RAPGEF6: variants seen among roughly 807,000 people sequenced by gnomAD.
RAPGEF6 encodes Rap guanine nucleotide exchange factor 6.
Under a neutral mutation model 171.4 loss-of-function variants are expected in RAPGEF6, and 56 were observed. The observed-to-expected ratio is 0.33, with a 90% confidence interval of 0.26 to 0.41. RAPGEF6 has a LOEUF of 0.41. RAPGEF6 is among the 10% of genes least tolerant of loss of function. RAPGEF6 has a pLI of 1.00. For synonymous variants in RAPGEF6, 692 were observed against 650.1 expected (o/e 1.06, Z -0.98); for missense variants, 1,674 against 1,921.4 (o/e 0.87, Z 2.41).
At chr5:131,615,970 C>A (rs966853978) in intron 1 of RAPGEF6, among the ~76,000 whole-genome samples, 1 of 152,042 alleles carries the variant, frequency 6.6e-6, no homozygotes, top group Non-Finnish European at 1.5e-5. Context: ...TCCTGACATC[C>A]CAGATCAGTA....
At chr5:131,491,308 C>T (rs187577770) in intron 14 of RAPGEF6, among the ~76,000 whole-genome samples, 1 of 152,218 alleles carries the variant, frequency 6.6e-6, no homozygotes, top group East Asian at 1.9e-4. Flanking sequence ...CAGACATTGC[C>T]ACTAGTTGAG....
intron 6 of RAPGEF6, among the ~76,000 whole-genome samples, chr5:131,525,198 G>C (rs1366771592): frequency 6.6e-6 from 1 of 152,040 alleles, no homozygotes; most frequent in East Asian, 1.9e-4. Flanking sequence ...TATAGACATA[G>C]AATAATGGAA....
At chr5:131,500,801 T>C (rs781669153) in intron 11 of RAPGEF6, among the ~76,000 whole-genome samples, 4 of 152,146 alleles carry the variant, frequency 2.6e-5, no homozygotes, top group East Asian at 3.9e-4. Context: ...AGTTCACTGA[T>C]AGCAGAATCT....
At position 131,521,410 on chromosome 5, in the gene RAPGEF6, T is replaced by C; in HGVS notation, c.607A>G (p.Ser203Gly). ...CSIASDSGSSSLSDIYQATES... is the reference protein window; with the variant it reads ...CSIASDSGSSGLSDIYQATES... ...ATTACCTGATAGATATCAGATAAAC[T>C]GCTGCTTCCAGAGTCACTGGCAATG... Residue 203 changes from serine (S) to glycine (G), a missense_variant, in exon 7 of 28, where the codon AGT (serine) becomes GGT (glycine). Coordinates refer to ENST00000509018, the MANE Select transcript of RAPGEF6 (RefSeq NM_016340.6). 3 of 1,610,150 alleles carry C rather than the reference T, an allele frequency of 1.9e-6. No homozygotes were observed. Among genetic ancestry groups the C allele is most frequent in the Non-Finnish European group, 2.5e-6 (3 of 1,178,086 alleles).
intron 25 of RAPGEF6, 134 bp downstream of exon 25, chr5:131,433,296 G>T: frequency 1.4e-6 from 1 of 691,684 alleles, no homozygotes. Context: ...GAGAATATGT[G>T]CTTGGCCCAC....
chr5:131,625,592 G>A (rs1371218107), intron 1 of RAPGEF6, among the ~76,000 whole-genome samples: 2 of 152,060 alleles, frequency 1.3e-5, no homozygotes, highest in Admixed American at 1.3e-4. Flanking sequence ...GAGGTGGGTG[G>A]ATCACGAGGT....
At position 131,426,701 on chromosome 5, in the gene RAPGEF6, G is replaced by GGTGGT; in HGVS notation, c.*564_*565insACCAC. On this transcript the variant is annotated 3_prime_UTR_variant, in exon 28 of 28. Transcript: ENST00000509018. ...CAAGTCACATCTCTGTGTAGATCAAGCATATCACCTCTGTAAAGATGACTT... is the reference window on the plus strand; with the variant it reads ...CAAGTCACATCTCTGTGTAGATCAAGGTGGTCATATCACCTCTGTAAAGATGACTT... 6.4e-6 allele frequency: 1 copy of GGTGGT among 155,882 alleles called. No individual in the cohort carries two copies. The highest frequency in any genetic ancestry group is 1.4e-5 in the Non-Finnish European group (1 of 71,128). 9.7% of individuals were successfully genotyped at this position (155,882 alleles called of 1,614,324 possible).
intron 1 of RAPGEF6, among the ~76,000 whole-genome samples, chr5:131,628,324 A>T (rs1438765322): frequency 6.6e-6 from 1 of 152,202 alleles, no homozygotes; most frequent in Non-Finnish European, 1.5e-5. Flanking sequence ...GCTGATATGG[A>T]GAAAGTTTGA....
intron 4 of RAPGEF6, among the ~76,000 whole-genome samples, chr5:131,581,279 AAGAC>A (rs771187483): frequency 6.6e-6 from 1 of 152,290 alleles, no homozygotes; most frequent in East Asian, 1.9e-4. Context: ...AAAAAACTCA[AAGAC>A]AGAGCTCAAA....
At chr5:131,446,924 A>C in intron 21 of RAPGEF6, 2 of 489,220 alleles carry the variant, frequency 4.1e-6, no homozygotes, top group Non-Finnish European at 7.3e-6. Flanking sequence ...TAGGATAACA[A>C]TGGCCCCCTG....
At chr5:131,501,538 C>G (rs560991813) in intron 11 of RAPGEF6, among the ~76,000 whole-genome samples, 2 of 151,794 alleles carry the variant, frequency 1.3e-5, no homozygotes, top group East Asian at 3.9e-4. Flanking sequence ...AATTTATGTT[C>G]AAGTATTTTT....
chr5:131,492,883 CAT>C, intron 13 of RAPGEF6, 98 bp from the exon 14 acceptor site: 2 of 1,171,062 alleles, frequency 1.7e-6, no homozygotes, highest in South Asian at 2.9e-5. Flanking sequence ...TATAAATATA[CAT>C]GTATAAGCTG....
intron 17 of RAPGEF6, among the ~76,000 whole-genome samples, chr5:131,465,052 A>G (rs1399591339): frequency 6.6e-6 from 1 of 152,122 alleles, no homozygotes; most frequent in Non-Finnish European, 1.5e-5. Context: ...TTAATGAACC[A>G]TTATGTCTTT....
chr5:131,439,611 G>A lies in RAPGEF6; in HGVS notation c.3715C>T (p.Pro1239Ser). Reference protein sequence around the residue: ...SVASSLHSSPPASPQGSPHKG... With the variant: ...SVASSLHSSPSASPQGSPHKG... ...TGAGGGGAGCCTTGAGGAGATGCAG[G>A]AGGACTAGAATGTAAAGATGACGCC... The change falls in exon 24 of 28, where the codon CCT (proline) becomes TCT (serine). Residue 1239 changes from proline to serine, a missense_variant. Physicochemically the swap from Pro to Ser is moderately conservative, Grantham distance 74. Coordinates refer to ENST00000509018, the MANE Select transcript of RAPGEF6 (RefSeq NM_016340.6). 2 of 1,612,444 alleles carry A rather than the reference G, an allele frequency of 1.2e-6. No individual in the cohort carries two copies. The highest frequency in any genetic ancestry group is 2.2e-5 in the East Asian group (1 of 44,834).
chr5:131,492,766 C>A lies in RAPGEF6; in HGVS notation c.1547G>T (p.Arg516Leu). Reference protein sequence around the residue: ...LEDTKMNGHLRLLNIACAAKA... With the variant: ...LEDTKMNGHLLLLNIACAAKA... Reference sequence around the variant, plus strand: ...TGCAGCACAGGCAATATTCAATAACCGGAGATGACCATTCATCTTCTGTTA... The same window carrying A: ...TGCAGCACAGGCAATATTCAATAACAGGAGATGACCATTCATCTTCTGTTA... The change falls in exon 14 of 28, where the codon CGG (arginine) becomes CTG (leucine). Residue 516 changes from arginine to leucine, a missense_variant. Physicochemically the swap from Arg to Leu is moderately radical, Grantham distance 102 (BLOSUM62 -2). This residue lies in a region of RAPGEF6 where 1,116 missense variants were observed against 1,321.5 expected (regional missense o/e 0.84). Transcript: ENST00000509018. 1 of 1,612,934 alleles carries A rather than the reference C, an allele frequency of 6.2e-7. No homozygotes were observed. Among genetic ancestry groups the A allele is most frequent in the Non-Finnish European group, 8.5e-7 (1 of 1,178,944 alleles).
At chr5:131,437,744 A>C (rs1752104866) in intron 24 of RAPGEF6, among the ~76,000 whole-genome samples, 2 of 152,224 alleles carry the variant, frequency 1.3e-5, no homozygotes. Context: ...TGAATGAAAA[A>C]AATCTAACCA....
chr5:131,490,024 T>C (rs1756176777), intron 14 of RAPGEF6, among the ~76,000 whole-genome samples: 1 of 152,174 alleles, frequency 6.6e-6, no homozygotes, highest in Non-Finnish European at 1.5e-5. Context: ...TCAATGTAAA[T>C]TTACTGAATT....
At chr5:131,445,369 C>T (rs1752615444) in intron 22 of RAPGEF6, among the ~76,000 whole-genome samples, 1 of 152,128 alleles carries the variant, frequency 6.6e-6, no homozygotes, top group Non-Finnish European at 1.5e-5. Context: ...TAAAAAATTA[C>T]TATGCAAATA....
chr5:131,445,493 C>CTGTGTGTGTGTGTGTGCG, intron 22 of RAPGEF6, among the ~76,000 whole-genome samples: 1 of 147,224 alleles, frequency 6.8e-6, no homozygotes, highest in Non-Finnish European at 1.5e-5. Flanking sequence ...AACTCACTCT[C>CTGTGTGTGTGTGTGTGCG]TGTGTGTGTG....
Sources: allele counts gnomAD v4.1 joint callset (sites outside exome capture counted in the v4.1 genomes callset), GRCh38; gene constraint gnomAD v4.1.1; regional missense constraint gnomAD v4.1.1; transcripts MANE v1.5; gene names NCBI Gene and HGNC (gene_info 2026-07-23, HGNC 2026-07-21).